The following MYH9 variants were observed in gnomAD, a reference collection of about 807,000 sequenced individuals.
MYH9 encodes myosin heavy chain 9.
A neutral mutation model predicts 241.9 loss-of-function variants in MYH9; 29 were observed. The observed-to-expected ratio is 0.12, with a 90% CI of 0.09 to 0.16. The LOEUF is 0.16. Ranked by LOEUF, MYH9 falls within the 10% of genes least tolerant of loss-of-function variation. The pLI, the probability that MYH9 is intolerant of heterozygous loss-of-function variation, is 1.00. For missense variants in MYH9, 1,803 were observed against 2,595.5 expected (o/e 0.69, Z 6.63); for synonymous variants, 1,047 against 1,062.6 (o/e 0.99, Z 0.29).
At chr22:36,286,463 CAGG>C (rs1327808565) in intron 35 of MYH9, among the ~76,000 whole-genome samples, 2 of 152,218 alleles carry the variant, frequency 1.3e-5, no homozygotes, top group Non-Finnish European at 1.5e-5. Flanking sequence ...GCATTCACAG[CAGG>C]AGGTGGTGGT....
intron 1 of MYH9, among the ~76,000 whole-genome samples, chr22:36,364,198 G>A (rs976441757): frequency 2.6e-5 from 4 of 152,154 alleles, no homozygotes; most frequent in Non-Finnish European, 4.4e-5. Context: ...TATCCTCTGA[G>A]TGATTATTTA....
chr22:36,295,380 G>A lies in MYH9; in HGVS notation c.3485+125C>T, dbSNP rs1184069686. On this transcript the variant is annotated intron_variant, in intron 26 of 40. Coordinates refer to ENST00000216181, the MANE Select transcript of MYH9 (RefSeq NM_002473.6). The surrounding 1 kb of genome is among the most constrained non-coding windows in gnomAD (Gnocchi z 4.1). The stretch of plus-strand genomic sequence containing the variant: ...TGAGGAACCAGCAGCTTCCATGCCT[G>A]CTGGTGCCTAAGAGGGCCACGGTGT... The A allele has an allele frequency of 1.7e-5, 14 of 828,006 alleles. No individual in the cohort carries two copies. Among genetic ancestry groups the A allele is most frequent in the Non-Finnish European group, 2.8e-5 (14 of 506,566 alleles). 51.3% of individuals were successfully genotyped at this position (828,006 alleles called of 1,614,324 possible).
Position 36,284,088 on chromosome 22 carries a change from C to T in MYH9, c.5765+5G>A, listed in dbSNP as rs779251738. 5.6e-6 allele frequency: 9 copies of T among 1,614,108 alleles called. 1 individual carries two copies. Among genetic ancestry groups the T allele is most frequent in the South Asian group, 5.5e-5 (5 of 91,084 alleles). The stretch of plus-strand genomic sequence containing the variant: ...GCAAAGGGGCGGGTGGGCAGGGCGG[C>T]TCACCTGAGCTTGTTCTTTAGGGAG... On this transcript the variant is annotated splice_donor_5th_base_variant and intron_variant, in intron 40 of 40. Transcript: ENST00000216181.
chr22:36,314,039 G>T, intron 13 of MYH9, 106 bp downstream of exon 13: 1 of 1,401,924 alleles, frequency 7.1e-7, no homozygotes, highest in East Asian at 2.3e-5. Context: ...AAAGGAAGGG[G>T]AGTTAAGACA....
In MYH9 at chr22:36,295,139, C is replaced by G; in HGVS notation, c.3486-63G>C. 2 of 1,610,972 alleles carry G rather than the reference C, an allele frequency of 1.2e-6. No individual in the cohort carries two copies. The highest frequency in any genetic ancestry group is 1.7e-6 in the Non-Finnish European group (2 of 1,178,418). ...TGCTGGAGCGAGGCTGTCCCTGGGG[C>G]TCTTCCCTGACCAAAGAGAGGCCTG... On this transcript the variant is annotated intron_variant, in intron 26 of 40. Transcript: ENST00000216181. This position sits in a 1 kb window ranked among gnomAD's most constrained non-coding sequence, Gnocchi z 4.1.
chr22:36,331,804 C>T (rs965878616), intron 3 of MYH9, among the ~76,000 whole-genome samples: 54 of 152,306 alleles, frequency 3.5e-4, no homozygotes, highest in Middle Eastern at 3.4e-3. Flanking sequence ...ACCCCATCTT[C>T]GGCTCCACTG....
intron 24 of MYH9, among the ~76,000 whole-genome samples, chr22:36,298,436 CAT>C (rs1475588847): frequency 6.6e-6 from 1 of 152,190 alleles, no homozygotes; most frequent in Non-Finnish European, 1.5e-5. Context: ...CTTTACGGTA[CAT>C]ATGTGTTCAC....
chr22:36,351,934 C>A (rs982312063), intron 1 of MYH9, among the ~76,000 whole-genome samples: 1 of 152,052 alleles, frequency 6.6e-6, no homozygotes, highest in African/African-American at 2.4e-5. Context: ...GCACCACGCT[C>A]AGTTTATTCA....
intron 1 of MYH9, among the ~76,000 whole-genome samples, chr22:36,380,338 CT>C (rs1232179916): frequency 6.6e-6 from 1 of 152,208 alleles, no homozygotes; most frequent in Non-Finnish European, 1.5e-5. Flanking sequence ...AGAATTTGGG[CT>C]TTTCCAGTGT....
chr22:36,285,906 C>T lies in MYH9; in HGVS notation c.5109G>A (p.Arg1703=), dbSNP rs929715435. 2.5e-6 allele frequency: 4 copies of T among 1,613,282 alleles called. No individual in the cohort carries two copies. The highest frequency in any genetic ancestry group is 3.4e-6 in the Non-Finnish European group (4 of 1,180,016). The change falls in exon 36 of 41, where the codon CGG becomes CGA. Residue 1703 remains arginine, a synonymous_variant. Transcript: ENST00000216181. The surrounding 1 kb of genome is among the most constrained non-coding windows in gnomAD (Gnocchi z 7.0). ...ERAKRQAQQE[R]DELADEIANS... ...TGGCGATCTCGTCAGCCAGCTCATC[C>T]CGCTCCTGCTGGGCCTGGCGCTTGG...
intron 1 of MYH9, among the ~76,000 whole-genome samples, chr22:36,358,939 C>T (rs2017896507): frequency 6.6e-6 from 1 of 152,228 alleles, no homozygotes; most frequent in Admixed American, 6.5e-5. Flanking sequence ...CATCTTGCCC[C>T]TGCCCTTCCT....
At position 36,336,681 on chromosome 22, in the gene MYH9, G is replaced by A. The variant is rs1014992854; in HGVS notation, c.490+4689C>T. Among the ~76,000 whole-genome samples the A allele has an allele frequency of 2.0e-5, 3 of 152,222 alleles. No individual in the cohort carries two copies. In the East Asian group the frequency reaches 5.8e-4, roughly 29 times the overall value. On this transcript the variant is annotated intron_variant, in intron 3 of 40. Transcript: ENST00000216181. ...CCAAGGCCACGCTGGGCACGTCTGG[G>A]ATGCCCTGTAACTACTTACTGACTG...
Position 36,286,765 on chromosome 22 carries a change from C to T in MYH9, c.5014G>A (p.Glu1672Lys). The change falls in exon 35 of 41, where the codon GAG becomes AAG. Residue 1672 changes from glutamate (E) to lysine (K), a missense_variant. Transcript: ENST00000216181. The stretch of plus-strand genomic sequence containing the variant: ...GCCTCCATGCTCTTCAGCTTCTTCT[C>T]GTTCTCTTTGGCCTGGGCCAGGATC... ...EEILAQAKEN[E>K]KKLKSMEAEM... 6.2e-7 allele frequency: 1 copy of T among 1,613,260 alleles called. No homozygotes were observed. The highest frequency in any genetic ancestry group is 1.1e-5 in the South Asian group (1 of 91,090).
intron 2 of MYH9, 31 bp from the exon 3 acceptor site, chr22:36,341,557 T>G: frequency 6.2e-7 from 1 of 1,610,768 alleles, no homozygotes; most frequent in Non-Finnish European, 8.5e-7. Context: ...TAGGAACAGG[T>G]TAGGAAGTTT....
Position 36,306,887 on chromosome 22 carries a change from G to A in MYH9, c.1844-280C>T, listed in dbSNP as rs573908312. On this transcript the variant is annotated intron_variant, in intron 15 of 40. Transcript: ENST00000216181. The surrounding 1 kb of genome is among the most constrained non-coding windows in gnomAD (Gnocchi z 4.1). ...CTGTCACCTATCTTCAGCCACTCTC[G>A]AAGCTCTTATTTCCAAAAAGACTCA... 1.6e-4 allele frequency among the ~76,000 whole-genome samples: 24 copies of A among 152,204 alleles called. No homozygotes were observed. The South Asian group carries it at 1.7e-3, about 11-fold the overall frequency.
At position 36,329,412 on chromosome 22, in the gene MYH9, G is replaced by A. The variant is rs994672069; in HGVS notation, c.491-1924C>T. 6.6e-6 allele frequency among the ~76,000 whole-genome samples: 1 copy of A among 152,140 alleles called. No individual in the cohort carries two copies. Among genetic ancestry groups the A allele is most frequent in the Non-Finnish European group, 1.5e-5 (1 of 68,020 alleles). ...GGGAAGACAGAGCAATTTCATTGCT[G>A]GCCCCTAACGACAGTGTGGCAACCG... On this transcript the variant is annotated intron_variant, in intron 3 of 40. Transcript: ENST00000216181. The surrounding 1 kb of genome is among the most constrained non-coding windows in gnomAD (Gnocchi z 4.1).
chr22:36,292,207 C>A lies in MYH9; in HGVS notation c.4123G>T (p.Asp1375Tyr). Residue 1375 changes from aspartate (D) to tyrosine (Y), a missense_variant, in exon 31 of 41, where the codon GAC (aspartate) becomes TAC (tyrosine). Around this residue, in one of 11 missense-constraint regions of MYH9, gnomAD observed 876 missense variants for 1,077.8 expected, o/e 0.81. Transcript: ENST00000216181. ...GCAGTTTCCAGGCACCCCACACTGT[C>A]CTCCATCTTCTTTTTCATGTCGGCC... ...QVADMKKKME[D>Y]SVGCLETAEE... is the part of the protein sequence containing the mutation. 1 of 1,614,088 alleles carries A rather than the reference C, an allele frequency of 6.2e-7. No homozygotes were observed. Among genetic ancestry groups the A allele is most frequent in the Non-Finnish European group, 8.5e-7 (1 of 1,180,048 alleles).
At chr22:36,328,174 C>T (rs1279478186) in intron 3 of MYH9, among the ~76,000 whole-genome samples, 2 of 152,228 alleles carry the variant, frequency 1.3e-5, no homozygotes, top group African/African-American at 2.4e-5. Flanking sequence ...AGAATGACAG[C>T]TTCTGATGGG....
intron 1 of MYH9, among the ~76,000 whole-genome samples, chr22:36,377,968 T>C (rs1280558581): frequency 6.6e-6 from 1 of 151,450 alleles, no homozygotes; most frequent in African/African-American, 2.4e-5. Context: ...GAGATGATGT[T>C]ATTGTTACTA....
Sources: allele counts gnomAD v4.1 joint callset (sites outside exome capture counted in the v4.1 genomes callset), GRCh38; gene constraint gnomAD v4.1.1; regional missense constraint gnomAD v4.1.1; non-coding constraint Gnocchi (gnomAD v3.1); transcripts MANE v1.5; gene names NCBI Gene and HGNC (gene_info 2026-07-23, HGNC 2026-07-21).